PAPPA: variants seen among roughly 807,000 people sequenced by gnomAD.
PAPPA encodes pappalysin-1.
In PAPPA, 60 loss-of-function variants were observed where a neutral mutation model predicts 164.0. The observed-to-expected ratio is 0.37, with a 90% CI of 0.30 to 0.45. The LOEUF is 0.45. Ranked by LOEUF, PAPPA falls within the 20% of genes least tolerant of loss-of-function variation. The probability of loss-of-function intolerance (pLI) is 1.00; values close to 1 mark genes in which losing one functional copy is unlikely to be tolerated. For missense variants in PAPPA, 1,782 were observed against 2,087.3 expected (o/e 0.85, Z 2.85); for synonymous variants, 875 against 814.1 (o/e 1.07, Z -1.27).
Position 116,378,895 on chromosome 9 carries a change from G to A in PAPPA, c.4677+1248G>A, listed in dbSNP as rs191999916. Among the ~76,000 whole-genome samples, 7 of 152,298 alleles carry A rather than the reference G, an allele frequency of 4.6e-5. No individual in the cohort carries two copies. The East Asian group carries it at 1.2e-3, about 25-fold the overall frequency. ...CACATTTTTTTCTCTGCATTGTTGA[G>A]GGATTTCCTGAGGGCACTTGACATT... On this transcript the variant is annotated intron_variant, in intron 20 of 21. Transcript: ENST00000328252.
rs554780201 is a variant in PAPPA, at chr9:116,267,601, C to T, written c.2861+1616C>T. Among the ~76,000 whole-genome samples, 25 of 152,214 alleles carry T rather than the reference C, an allele frequency of 1.6e-4. No individual in the cohort carries two copies. The South Asian group carries it at 2.9e-3, about 18-fold the overall frequency. ...TAAAATAAGAAATGGCGGCCGGGTG[C>T]GGTGGCTCACGCCTGTAATCCCAGC... is the stretch of plus-strand genomic sequence containing the variant. On this transcript the variant is annotated intron_variant, in intron 8 of 21. Transcript: ENST00000328252.
At chr9:116,243,361 T>A (rs1354457139) in intron 7 of PAPPA, among the ~76,000 whole-genome samples, 1 of 152,226 alleles carries the variant, frequency 6.6e-6, no homozygotes, top group African/African-American at 2.4e-5. Context: ...AGCACTAACA[T>A]TACTGCTAAC....
At chr9:116,221,667 T>C (rs1844447600) in intron 5 of PAPPA, among the ~76,000 whole-genome samples, 1 of 152,134 alleles carries the variant, frequency 6.6e-6, no homozygotes, top group East Asian at 1.9e-4. Context: ...TGTGCTTTCA[T>C]TAAGTTGTTT....
chr9:116,175,492 T>C (rs1335088609), intron 1 of PAPPA, among the ~76,000 whole-genome samples: 1 of 152,196 alleles, frequency 6.6e-6, no homozygotes, highest in Non-Finnish European at 1.5e-5. Context: ...TGTACAGTAT[T>C]AATATACATA....
intron 13 of PAPPA, among the ~76,000 whole-genome samples, chr9:116,338,449 C>T (rs1285872081): frequency 6.6e-6 from 1 of 152,086 alleles, no homozygotes; most frequent in Non-Finnish European, 1.5e-5. Context: ...TGGGGGTGCC[C>T]AAAGACTGGA....
At chr9:116,242,710 A>G (rs2118761685) in intron 7 of PAPPA, among the ~76,000 whole-genome samples, 1 of 152,332 alleles carries the variant, frequency 6.6e-6, no homozygotes, top group South Asian at 2.1e-4. Context: ...GCCGGTGATA[A>G]GCTATGGGCC....
chr9:116,339,091 T>C (rs1846100841), intron 13 of PAPPA, among the ~76,000 whole-genome samples: 1 of 152,170 alleles, frequency 6.6e-6, no homozygotes, highest in African/African-American at 2.4e-5. Context: ...TCCAGTTATC[T>C]TTCCTCTCCA....
intron 1 of PAPPA, among the ~76,000 whole-genome samples, chr9:116,165,411 C>T (rs919863105): frequency 1.3e-5 from 2 of 152,206 alleles, no homozygotes; most frequent in African/African-American, 4.8e-5. Context: ...ACCCACTCTA[C>T]ATTACATCAT....
chr9:116,226,247 G>A (rs1284432149), intron 5 of PAPPA, among the ~76,000 whole-genome samples: 1 of 152,152 alleles, frequency 6.6e-6, no homozygotes, highest in Admixed American at 6.5e-5. Context: ...GTAAGCAGAG[G>A]CATGACTTGT....
chr9:116,281,783 C>A (rs1845270808), intron 9 of PAPPA, among the ~76,000 whole-genome samples: 1 of 152,148 alleles, frequency 6.6e-6, no homozygotes, highest in Non-Finnish European at 1.5e-5. Context: ...AAACCACCCA[C>A]CAGACAAGCA....
intron 2 of PAPPA, among the ~76,000 whole-genome samples, 184 bp downstream of exon 2, chr9:116,188,400 A>T (rs1282904955): frequency 6.6e-6 from 1 of 152,198 alleles, no homozygotes; most frequent in Non-Finnish European, 1.5e-5. Context: ...CCAGTTTATT[A>T]TAAAAATATT....
At chr9:116,304,435 A>G (rs1279463180) in intron 10 of PAPPA, among the ~76,000 whole-genome samples, 1 of 152,268 alleles carries the variant, frequency 6.6e-6, no homozygotes, top group East Asian at 1.9e-4. Context: ...TGCTGGGGCC[A>G]GCAAGAGAAC....
At chr9:116,231,348 C>T (rs561385229) in intron 6 of PAPPA, among the ~76,000 whole-genome samples, 1 of 151,632 alleles carries the variant, frequency 6.6e-6, no homozygotes, top group Non-Finnish European at 1.5e-5. Flanking sequence ...CCTTCCTTAT[C>T]TTCTTCCTTC....
At chr9:116,270,115 G>A (rs895371013) in intron 8 of PAPPA, among the ~76,000 whole-genome samples, 6 of 152,172 alleles carry the variant, frequency 3.9e-5, no homozygotes, top group African/African-American at 4.8e-5. Context: ...GGGAGGGAGG[G>A]ACAGCTGTCA....
At chr9:116,352,644 TA>T in intron 15 of PAPPA, 61 bp from the exon 16 acceptor site, 1 of 1,304,670 alleles carries the variant, frequency 7.7e-7, no homozygotes, top group South Asian at 1.2e-5. Context: ...CAAGTAGCTA[TA>T]CATTAGCTTG....
Position 116,398,522 on chromosome 9 carries a change from A to G in PAPPA, c.*1906A>G, listed in dbSNP as rs1846998744. On this transcript the variant is annotated 3_prime_UTR_variant, in exon 22 of 22. Coordinates refer to ENST00000328252, the MANE Select transcript of PAPPA (RefSeq NM_002581.5). Reference sequence around the variant, plus strand: ...GAGACCAAAAATAACTTTAGGAACCACCATATTATATCACTCCCAATAGCA... The same window carrying G: ...GAGACCAAAAATAACTTTAGGAACCGCCATATTATATCACTCCCAATAGCA... 1 of 1,221,418 alleles carries G rather than the reference A, an allele frequency of 8.2e-7. No homozygotes were observed. The highest frequency in any genetic ancestry group is 1.4e-5 in the South Asian group (1 of 73,404). 75.7% of individuals were successfully genotyped at this position (1,221,418 alleles called of 1,614,324 possible).
chr9:116,318,378 T>C (rs754220982), intron 10 of PAPPA: 1 of 152,084 alleles, frequency 6.6e-6, no homozygotes, highest in Non-Finnish European at 1.5e-5. Context: ...ATGTGGACCA[T>C]GGGAATGAAG....
At chr9:116,183,271 A>G (rs973274922) in intron 1 of PAPPA, among the ~76,000 whole-genome samples, 1 of 152,158 alleles carries the variant, frequency 6.6e-6, no homozygotes, top group Non-Finnish European at 1.5e-5. Flanking sequence ...TGCGAATGAC[A>G]TAAGGCATCT....
chr9:116,227,238 C>T (rs540956875), intron 5 of PAPPA, among the ~76,000 whole-genome samples, 193 bp from the exon 6 acceptor site: 1 of 152,276 alleles, frequency 6.6e-6, no homozygotes. Context: ...TAGGCTCAAA[C>T]GAGGTTCTTG....
Sources: allele counts gnomAD v4.1 joint callset (sites outside exome capture counted in the v4.1 genomes callset), GRCh38; gene constraint gnomAD v4.1.1; transcripts MANE v1.5; gene names NCBI Gene and HGNC (gene_info 2026-07-23, HGNC 2026-07-21).